LDLRAD4: variants seen among roughly 807,000 people sequenced by gnomAD.
The protein encoded by LDLRAD4 is low-density lipoprotein receptor class A domain-containing protein 4.
LDLRAD4 carries 5 observed loss-of-function variants against 17.0 expected under a neutral mutation model. That is an observed-to-expected ratio of 0.29 (90% CI 0.15 to 0.62). The LOEUF (loss-of-function observed/expected upper bound fraction) is 0.62. Among genes scored for constraint, LDLRAD4 ranks in the 20% least tolerant of loss-of-function variants. LDLRAD4 has a pLI of 0.84. For missense variants in LDLRAD4, 340 were observed against 424.7 expected, an observed-to-expected ratio of 0.80 and a Z score of 1.75; for synonymous variants, 168 against 171.8, an observed-to-expected ratio of 0.98 and a Z score of 0.17.
At chr18:13,313,677 C>T (rs1413329959) in intron 1 of LDLRAD4, among the ~76,000 whole-genome samples, 2 of 152,184 alleles carry the variant, frequency 1.3e-5, no homozygotes, top group African/African-American at 4.8e-5. Flanking sequence ...TGATGTACTG[C>T]GTTTAATTGT....
intron 3 of LDLRAD4, chr18:13,515,519 A>C (rs992745859): frequency 6.6e-6 from 1 of 152,276 alleles, no homozygotes; most frequent in Non-Finnish European, 1.5e-5. Flanking sequence ...CTAAATTGTC[A>C]TGTAATGCAA....
At chr18:13,315,441 G>A (rs977723988) in intron 1 of LDLRAD4, among the ~76,000 whole-genome samples, 3 of 152,158 alleles carry the variant, frequency 2.0e-5, no homozygotes, top group Admixed American at 6.5e-5. Flanking sequence ...GATTTTAAAA[G>A]CATCATCATT....
chr18:13,540,575 C>T (rs1035410768), intron 3 of LDLRAD4, among the ~76,000 whole-genome samples: 1 of 152,136 alleles, frequency 6.6e-6, no homozygotes, highest in African/African-American at 2.4e-5. Context: ...TATTTACAGC[C>T]TTTTCAGAGA....
exon 6 of LDLRAD4, chr18:13,649,800 T>C: frequency 2.6e-6 from 1 of 381,452 alleles, no homozygotes; most frequent in Middle Eastern, 6.7e-4. Flanking sequence ...GTTGCTTGCT[T>C]AAGTGATTAA....
chr18:13,612,607 T>C, intron 3 of LDLRAD4: 1 of 1,584,410 alleles, frequency 6.3e-7, no homozygotes, highest in Non-Finnish European at 8.6e-7. Flanking sequence ...ACTGCAGCTC[T>C]GAGCTGCCTG....
chr18:13,640,082 C>T (rs150105819), intron 4 of LDLRAD4, among the ~76,000 whole-genome samples: 6 of 152,088 alleles, frequency 3.9e-5, no homozygotes, highest in African/African-American at 9.6e-5. Flanking sequence ...GTCAGGAGAT[C>T]GAGAGGATCC....
intron 2 of LDLRAD4, 84 bp downstream of exon 3, chr18:13,387,846 A>C: frequency 8.1e-7 from 1 of 1,240,004 alleles, no homozygotes; most frequent in Non-Finnish European, 1.2e-6. Flanking sequence ...CAGTGAACCT[A>C]CCTTTGCAGT....
chr18:13,382,897 G>A (rs913866386), intron 1 of LDLRAD4, among the ~76,000 whole-genome samples: 3 of 152,370 alleles, frequency 2.0e-5, no homozygotes, highest in Admixed American at 6.5e-5. Flanking sequence ...CAGTTCTTGC[G>A]CCTCCATGGG....
chr18:13,474,076 G>A (rs1427856464), intron 3 of LDLRAD4, among the ~76,000 whole-genome samples: 2 of 152,036 alleles, frequency 1.3e-5, no homozygotes, highest in African/African-American at 4.8e-5. Flanking sequence ...CCCGCCTCGT[G>A]CTCTTTCTCT....
intron 3 of LDLRAD4, among the ~76,000 whole-genome samples, chr18:13,575,753 G>A (rs777128932): frequency 6.6e-6 from 1 of 152,066 alleles, no homozygotes; most frequent in Non-Finnish European, 1.5e-5. Flanking sequence ...TTGATTTTTG[G>A]ATTAAGGCCA....
At chr18:13,490,658 A>G (rs946491043) in intron 3 of LDLRAD4, 1 of 152,240 alleles carries the variant, frequency 6.6e-6, no homozygotes, top group African/African-American at 2.4e-5. Flanking sequence ...TTTTACCTCA[A>G]TAAAATGATA....
chr18:13,376,415 G>T (rs2084915719), intron 1 of LDLRAD4, among the ~76,000 whole-genome samples: 1 of 152,218 alleles, frequency 6.6e-6, no homozygotes, highest in Admixed American at 6.5e-5. Context: ...ATGAACAGCG[G>T]CGTCAGCTGC....
rs1174733838 is a variant in LDLRAD4, at chr18:13,367,690, G to C, written c.-382-19651G>C. ...GTGCCGAGAGGGGACAGCCGGGCAC[G>C]GGGGCACACGTTGTCAAGGGATATA... On this transcript the variant is annotated intron_variant, in intron 1 of 5. Coordinates refer to ENST00000359446, the Ensembl canonical transcript of LDLRAD4. The surrounding 1 kb of genome is among the most constrained non-coding windows in gnomAD (Gnocchi z 4.1). Among the ~76,000 whole-genome samples, 3 of 152,022 alleles carry C rather than the reference G, an allele frequency of 2.0e-5. No homozygotes were observed. Among genetic ancestry groups the C allele is most frequent in the Non-Finnish European group, 4.4e-5 (3 of 68,008 alleles).
Position 13,493,448 on chromosome 18 carries a change from G to A in LDLRAD4, c.181+55064G>A, listed in dbSNP as rs116183315. ...ACCTTCAAAAAAGTAGGTTGTGGAA[G>A]CAATGATCACTAGAAATATTTTATG... On this transcript the variant is annotated intron_variant, in intron 3 of 5. Coordinates refer to ENST00000359446, the Ensembl canonical transcript of LDLRAD4. Among the ~76,000 whole-genome samples the A allele has an allele frequency of 9.0e-3, 1,365 of 152,282 alleles. 19 individuals carry two copies. Among genetic ancestry groups the A allele is most frequent in the African/African-American group, 0.032 (1,314 of 41,542 alleles).
chr18:13,628,442 C>T (rs1044550649), intron 4 of LDLRAD4, among the ~76,000 whole-genome samples: 28 of 152,344 alleles, frequency 1.8e-4, no homozygotes, highest in African/African-American at 6.3e-4. Context: ...CTGCATTTCA[C>T]GGAAACTGCA....
intron 3 of LDLRAD4, among the ~76,000 whole-genome samples, chr18:13,478,188 C>A (rs1289821262): frequency 2.0e-5 from 3 of 152,176 alleles, no homozygotes; most frequent in African/African-American, 7.2e-5. Context: ...TGAGAGCCTG[C>A]AGCATTGGCA....
chr18:13,361,815 G>C (rs2083690043), intron 1 of LDLRAD4, among the ~76,000 whole-genome samples: 1 of 152,078 alleles, frequency 6.6e-6, no homozygotes, highest in Non-Finnish European at 1.5e-5. Context: ...TTCTTGGTAG[G>C]GTCTGCCCCC....
chr18:13,290,619 T>C (rs956907052), intron 1 of LDLRAD4, among the ~76,000 whole-genome samples: 4 of 152,148 alleles, frequency 2.6e-5, no homozygotes, highest in African/African-American at 4.8e-5. Context: ...TTCTTGCACA[T>C]GTAAAAAATT....
chr18:13,307,979 T>C (rs1237485991), intron 1 of LDLRAD4, among the ~76,000 whole-genome samples: 1 of 152,202 alleles, frequency 6.6e-6, no homozygotes, highest in East Asian at 1.9e-4. Flanking sequence ...AAATCAATTA[T>C]CAAAGGCATT....
Sources: gnomAD v4.1 joint callset for allele counts (sites outside exome capture counted in the v4.1 genomes callset) on GRCh38, gnomAD v4.1.1 for gene constraint, Gnocchi (gnomAD v3.1) non-coding constraint, MANE v1.5 for transcripts, NCBI Gene and HGNC (gene_info 2026-07-23, HGNC 2026-07-21) for gene names.